SLC25A12: variants seen among roughly 807,000 people sequenced by gnomAD.
SLC25A12 encodes the protein electrogenic aspartate/glutamate antiporter SLC25A12, mitochondrial.
SLC25A12 carries 32 observed loss-of-function variants against 83.3 expected under a neutral mutation model. The observed-to-expected ratio is 0.38, with a 90% CI of 0.29 to 0.52. The LOEUF (loss-of-function observed/expected upper bound fraction) is 0.52. Among genes scored for constraint, SLC25A12 ranks in the 20% least tolerant of loss-of-function variants. SLC25A12 has a pLI of 0.84. For missense variants in SLC25A12, 611 were observed against 835.6 expected (o/e 0.73, Z 3.31); for synonymous variants, 267 against 291.1 (o/e 0.92, Z 0.84).
intron 2 of SLC25A12, among the ~76,000 whole-genome samples, chr2:171,881,154 T>C (rs1685686261): frequency 6.6e-6 from 1 of 152,064 alleles, no homozygotes; most frequent in Non-Finnish European, 1.5e-5. Flanking sequence ...TTTTTTGTTG[T>C]TGTTGTTGTT....
At chr2:171,805,115 T>G (rs1442590629) in intron 13 of SLC25A12, among the ~76,000 whole-genome samples, 5 of 7,380 alleles carry the variant, frequency 6.8e-4, no homozygotes, top group East Asian at 0.031. Flanking sequence ...TTGTTTTTTG[T>G]TTTTTTTTTT....
At chr2:171,858,468 T>C (rs895221245) in intron 3 of SLC25A12, among the ~76,000 whole-genome samples, 74 of 152,322 alleles carry the variant, frequency 4.9e-4, no homozygotes, top group African/African-American at 1.7e-3. Flanking sequence ...ACAGAATACG[T>C]AGCTTTAAAA....
At chr2:171,809,819 T>C (rs1286434561) in intron 12 of SLC25A12, 133 bp from the exon 13 acceptor site, 10 of 746,814 alleles carry the variant, frequency 1.3e-5, no homozygotes, top group Non-Finnish European at 2.4e-5. Context: ...ACATGTAAAA[T>C]TAAAGTTGTA....
At chr2:171,829,986 G>C (rs1190849765) in intron 8 of SLC25A12, among the ~76,000 whole-genome samples, 3 of 152,246 alleles carry the variant, frequency 2.0e-5, no homozygotes, top group Non-Finnish European at 4.4e-5. Context: ...AACTAAGGCA[G>C]TAAATTATGA....
intron 4 of SLC25A12, 130 bp from the exon 5 acceptor site, chr2:171,844,638 G>C (rs966407229): frequency 3.0e-6 from 2 of 662,122 alleles, no homozygotes; most frequent in Non-Finnish European, 5.2e-6. Context: ...TAAAATAACT[G>C]CAATTTTTTT....
intron 3 of SLC25A12, among the ~76,000 whole-genome samples, chr2:171,859,766 A>G (rs548003268): frequency 6.3e-4 from 94 of 148,498 alleles, no homozygotes; most frequent in Admixed American, 2.8e-3. Flanking sequence ...GGATACAACA[A>G]TTTTTTTTTT....
At chr2:171,876,771 TA>T (rs1189632669) in intron 2 of SLC25A12, among the ~76,000 whole-genome samples, 1 of 152,242 alleles carries the variant, frequency 6.6e-6, no homozygotes, top group African/African-American at 2.4e-5. Flanking sequence ...AAGGATGAAC[TA>T]AAATGACTTT....
chr2:171,861,992 A>G (rs1158007531), intron 3 of SLC25A12, among the ~76,000 whole-genome samples: 1 of 152,216 alleles, frequency 6.6e-6, no homozygotes, highest in Non-Finnish European at 1.5e-5. Flanking sequence ...TGTGTTTTTT[A>G]AAAATTTTCT....
chr2:171,870,672 AC>A (rs2105919392), intron 2 of SLC25A12, among the ~76,000 whole-genome samples: 1 of 152,316 alleles, frequency 6.6e-6, no homozygotes. Flanking sequence ...AGGAAGTAGT[AC>A]AAGGAAGCTA....
Position 171,868,842 on chromosome 2 carries a change from A to G in SLC25A12, c.67-19T>C. On this transcript the variant is annotated intron_variant, in intron 2 of 17. Coordinates refer to ENST00000422440, the MANE Select transcript of SLC25A12 (RefSeq NM_003705.5). Reference sequence around the variant, plus strand: ...TGGCATACTAAAAAAATAAATAAATAATGCATACTGAAAAATTATCCAATA... The same window carrying G: ...TGGCATACTAAAAAAATAAATAAATGATGCATACTGAAAAATTATCCAATA... 1 of 1,595,674 alleles carries G rather than the reference A, an allele frequency of 6.3e-7. No homozygotes were observed.
At position 171,893,243 on chromosome 2, in the gene SLC25A12, G is replaced by A. The variant is rs1344745708; in HGVS notation, c.28C>T (p.Arg10Ter). The part of the protein sequence containing the change: MAVKVQTTK[R>*]GDPHELRNIF... Reference sequence around the variant, plus strand: ...TTTCTTAACTCATGAGGATCCCCTCGCTTAGTTGTCTGCACCTGTAAGCAA... The same window carrying A: ...TTTCTTAACTCATGAGGATCCCCTCACTTAGTTGTCTGCACCTGTAAGCAA... Residue 10 changes from arginine to a stop codon, truncating the protein, a stop_gained, in exon 2 of 18, where the codon CGA (arginine) becomes TGA (stop). Transcript: ENST00000422440. LOFTEE classifies it high-confidence loss of function. 1 of 1,613,910 alleles carries A rather than the reference G, an allele frequency of 6.2e-7. No individual in the cohort carries two copies. Among genetic ancestry groups the A allele is most frequent in the Non-Finnish European group, 8.5e-7 (1 of 1,179,952 alleles).
chr2:171,889,798 T>G (rs1319036033), intron 2 of SLC25A12, among the ~76,000 whole-genome samples: 1 of 152,214 alleles, frequency 6.6e-6, no homozygotes, highest in Non-Finnish European at 1.5e-5. Context: ...GGAATTTGAT[T>G]TGAATCTGGC....
At chr2:171,867,840 AT>A (rs1474394843) in intron 3 of SLC25A12, among the ~76,000 whole-genome samples, 1 of 151,998 alleles carries the variant, frequency 6.6e-6, no homozygotes, top group African/African-American at 2.4e-5. Context: ...AAACAACAAA[AT>A]TTTTTTTAAA....
Position 171,834,821 on chromosome 2 carries a change from G to A in SLC25A12, c.657C>T (p.Phe219=), listed in dbSNP as rs1325763421. The change falls in exon 7 of 18, where the codon TTC becomes TTT. Residue 219 remains phenylalanine (F), a synonymous_variant. Coordinates refer to ENST00000422440, the MANE Select transcript of SLC25A12 (RefSeq NM_003705.5). ...TATTCAGTAACGAGTTAAATGCATT[G>A]AAGTAGGAGAAGCTAACCTGGTGTG... ...SISHQVSFSY[F]NAFNSLLNNM... 3 of 1,613,758 alleles carry A rather than the reference G, an allele frequency of 1.9e-6. No individual in the cohort carries two copies. Among genetic ancestry groups the A allele is most frequent in the Admixed American group, 3.3e-5 (2 of 59,958 alleles).
intron 11 of SLC25A12, among the ~76,000 whole-genome samples, chr2:171,812,204 C>T (rs941364609): frequency 4.6e-5 from 7 of 152,266 alleles, no homozygotes; most frequent in African/African-American, 1.7e-4. Flanking sequence ...ATATATAATG[C>T]TAAAAATGAA....
intron 4 of SLC25A12, among the ~76,000 whole-genome samples, chr2:171,850,578 G>T (rs2105901050): frequency 6.6e-6 from 1 of 151,952 alleles, no homozygotes; most frequent in Non-Finnish European, 1.5e-5. Context: ...TATTGGCCAG[G>T]CTGGTCTCAA....
chr2:171,825,692 A>G (rs1301695987), intron 9 of SLC25A12, among the ~76,000 whole-genome samples: 1 of 152,208 alleles, frequency 6.6e-6, no homozygotes, highest in African/African-American at 2.4e-5. Flanking sequence ...CATGTCTATT[A>G]GAGCAGGAAA....
At chr2:171,891,817 A>G (rs752828923) in intron 2 of SLC25A12, among the ~76,000 whole-genome samples, 3 of 152,254 alleles carry the variant, frequency 2.0e-5, no homozygotes, top group Admixed American at 6.5e-5. Flanking sequence ...TTCTGTTATT[A>G]TAATTACTTC....
At chr2:171,792,125 A>G (rs1434274941) in intron 14 of SLC25A12, among the ~76,000 whole-genome samples, 1 of 151,972 alleles carries the variant, frequency 6.6e-6, no homozygotes, top group Non-Finnish European at 1.5e-5. Context: ...GCAGGTTTCC[A>G]CAGGAGTAGA....
Sources: gnomAD v4.1 joint callset for allele counts (sites outside exome capture counted in the v4.1 genomes callset) on GRCh38, gnomAD v4.1.1 for gene constraint, MANE v1.5 for transcripts, NCBI Gene and HGNC (gene_info 2026-07-23, HGNC 2026-07-21) for gene names.